Variants in MDGA2 observed in about 807,000 individuals in gnomAD.
MDGA2 encodes MAM domain containing glycosylphosphatidylinositol anchor 2.
Under a neutral mutation model 117.8 loss-of-function variants are expected in MDGA2, and 40 were observed. That is an observed-to-expected ratio of 0.34 (90% CI 0.26 to 0.44). The LOEUF (loss-of-function observed/expected upper bound fraction) is 0.44. Ranked by LOEUF, MDGA2 falls within the 20% of genes least tolerant of loss-of-function variation. The pLI is 1.00. For missense variants in MDGA2, 1,123 were observed against 1,250.6 expected (o/e 0.90, Z 1.54); for synonymous variants, 452 against 439.0 (o/e 1.03, Z -0.37).
At chr14:47,621,145 C>T (rs1897042736) in intron 1 of MDGA2, among the ~76,000 whole-genome samples, 1 of 152,182 alleles carries the variant, frequency 6.6e-6, no homozygotes, top group African/African-American at 2.4e-5. Flanking sequence ...ACTCCCACCA[C>T]TCATATTCTT....
intron 3 of MDGA2, among the ~76,000 whole-genome samples, chr14:47,182,415 TA>T (rs1884745061): frequency 6.6e-6 from 1 of 152,118 alleles, no homozygotes; most frequent in Admixed American, 6.6e-5. Flanking sequence ...GGTGGGGTCT[TA>T]ATCCAATAGG....
chr14:46,986,664 C>G lies in MDGA2; in HGVS notation c.1820-29021G>C, dbSNP rs150645641. Among the ~76,000 whole-genome samples the G allele has an allele frequency of 2.0e-5, 3 of 152,172 alleles. No homozygotes were observed. In the East Asian group the frequency reaches 5.8e-4, roughly 29 times the overall value. Reference sequence around the variant, plus strand: ...TTAGTTTCAACAGAAATCAACTACCCAAAAGACACAACTAGCTGCTTAGCA... The same window carrying G: ...TTAGTTTCAACAGAAATCAACTACCGAAAAGACACAACTAGCTGCTTAGCA... On this transcript the variant is annotated intron_variant, in intron 8 of 16. Transcript: ENST00000399232.
chr14:47,087,584 T>A (rs1383926317), intron 6 of MDGA2, among the ~76,000 whole-genome samples: 1 of 151,398 alleles, frequency 6.6e-6, no homozygotes, highest in African/African-American at 2.4e-5. Flanking sequence ...TATTTACATA[T>A]CTATGATGTC....
intron 1 of MDGA2, among the ~76,000 whole-genome samples, chr14:47,369,100 G>C (rs1199307889): frequency 1.3e-5 from 2 of 152,002 alleles, no homozygotes; most frequent in African/African-American, 4.8e-5. Context: ...TTTATGCCTA[G>C]ATAGATATCT....
chr14:47,639,484 T>C lies in MDGA2; in HGVS notation c.280+35033A>G, dbSNP rs1171004154. Among the ~76,000 whole-genome samples, 3 of 152,154 alleles carry C rather than the reference T, an allele frequency of 2.0e-5. No individual in the cohort carries two copies. In the East Asian group the frequency reaches 5.8e-4, roughly 29 times the overall value. On this transcript the variant is annotated intron_variant, in intron 1 of 16. Coordinates refer to ENST00000399232, the MANE Select transcript of MDGA2 (RefSeq NM_001113498.3). Reference sequence around the variant, plus strand: ...CTAAGAAATGAGCCCTCCTTGCTTTTACAGTTACTCATGGGCTCCAGCATA... The same window carrying C: ...CTAAGAAATGAGCCCTCCTTGCTTTCACAGTTACTCATGGGCTCCAGCATA...
At position 47,155,888 on chromosome 14, in the gene MDGA2, C is replaced by CTTTTTTTTT. The variant is rs55827732; in HGVS notation, c.596-11623_596-11615dup. Reference sequence around the variant, plus strand: ...ATTCTTTTCTTTTCTTCTTCTTCTTCTTTTTTTTTTTTTTTTTTTTTTTTT... The same window carrying CTTTTTTTTT: ...ATTCTTTTCTTTTCTTCTTCTTCTTCTTTTTTTTTTTTTTTTTTTTTTTTTTTTTTTTTT... On this transcript the variant is annotated intron_variant, in intron 3 of 16. Coordinates refer to ENST00000399232, the MANE Select transcript of MDGA2 (RefSeq NM_001113498.3). 3.8e-3 allele frequency among the ~76,000 whole-genome samples: 152 copies of CTTTTTTTTT among 40,052 alleles called. 13 individuals are homozygous for CTTTTTTTTT. The highest frequency in any genetic ancestry group is 5.0e-3 in the Non-Finnish European group (114 of 22,976). 26.3% of individuals were successfully genotyped at this position (40,052 alleles called of 152,430 possible).
chr14:46,940,643 G>GAA (rs1884965337), intron 9 of MDGA2, among the ~76,000 whole-genome samples: 2 of 139,936 alleles, frequency 1.4e-5, no homozygotes, highest in African/African-American at 5.1e-5. Flanking sequence ...AAAAAAAGTT[G>GAA]AACTTAATAG....
chr14:47,561,430 T>C (rs1895814517), intron 1 of MDGA2, among the ~76,000 whole-genome samples: 1 of 152,036 alleles, frequency 6.6e-6, no homozygotes, highest in African/African-American at 2.4e-5. Context: ...ATTGTCATTA[T>C]AGAGATCCCT....
chr14:47,260,127 T>C (rs1262606042), intron 2 of MDGA2, among the ~76,000 whole-genome samples: 2 of 151,974 alleles, frequency 1.3e-5, no homozygotes, highest in Non-Finnish European at 2.9e-5. Flanking sequence ...AGAAAAAGGA[T>C]AGCATGGCCC....
intron 1 of MDGA2, among the ~76,000 whole-genome samples, chr14:47,543,875 T>C (rs1895403722): frequency 6.6e-6 from 1 of 152,218 alleles, no homozygotes; most frequent in South Asian, 2.1e-4. Flanking sequence ...TTTCTTAACC[T>C]TCTCTGCCAG....
rs1595024005 is a variant in MDGA2, at chr14:46,890,021, T to A, written c.2239-7800A>T. The stretch of plus-strand genomic sequence containing the variant: ...TCTCTCACTTATGCTAAAATAATCC[T>A]CTTTACCATGCCTGGAACTCTGTAT... On this transcript the variant is annotated intron_variant, in intron 10 of 16. Coordinates refer to ENST00000399232, the MANE Select transcript of MDGA2 (RefSeq NM_001113498.3). Among the ~76,000 whole-genome samples, 3 of 152,056 alleles carry A rather than the reference T, an allele frequency of 2.0e-5. No homozygotes were observed. The South Asian group carries it at 6.2e-4, about 31-fold the overall frequency.
chr14:47,053,062 T>C (rs1889512426), intron 7 of MDGA2, among the ~76,000 whole-genome samples: 1 of 152,000 alleles, frequency 6.6e-6, no homozygotes, highest in Non-Finnish European at 1.5e-5. Context: ...TTTATTTTCA[T>C]GCCGGTGAAG....
intron 2 of MDGA2, among the ~76,000 whole-genome samples, chr14:47,256,734 C>T (rs1048307390): frequency 5.9e-5 from 9 of 151,522 alleles, no homozygotes; most frequent in African/African-American, 1.9e-4. Flanking sequence ...TCGAATAACA[C>T]TTTTTATTAA....
intron 1 of MDGA2, among the ~76,000 whole-genome samples, chr14:47,632,679 G>T (rs971510024): frequency 6.6e-6 from 1 of 152,044 alleles, no homozygotes; most frequent in Non-Finnish European, 1.5e-5. Flanking sequence ...CATAAATAAT[G>T]ACCTTCTTAA....
intron 5 of MDGA2, among the ~76,000 whole-genome samples, chr14:47,100,545 TA>T (rs1484751183): frequency 2.0e-5 from 3 of 152,112 alleles, no homozygotes. Context: ...TTACAGAATG[TA>T]AATGTCCATT....
intron 1 of MDGA2, among the ~76,000 whole-genome samples, chr14:47,310,000 A>G (rs915328801): frequency 1.3e-5 from 2 of 152,172 alleles, no homozygotes; most frequent in African/African-American, 4.8e-5. Flanking sequence ...TTAACTTTAT[A>G]AAAAATTGAA....
intron 1 of MDGA2, among the ~76,000 whole-genome samples, chr14:47,506,281 C>A (rs1457540292): frequency 4.6e-5 from 7 of 152,028 alleles, no homozygotes; most frequent in Non-Finnish European, 1.0e-4. Context: ...AAAAATGGAA[C>A]TGATTAAAAA....
chr14:47,307,032 T>C (rs1889475103), intron 1 of MDGA2, among the ~76,000 whole-genome samples: 1 of 152,180 alleles, frequency 6.6e-6, no homozygotes, highest in Non-Finnish European at 1.5e-5. Context: ...TTCTATTGAT[T>C]TAAGTGATCA....
chr14:47,550,614 C>T (rs763182599), intron 1 of MDGA2, among the ~76,000 whole-genome samples: 2 of 151,534 alleles, frequency 1.3e-5, no homozygotes, highest in Non-Finnish European at 2.9e-5. Context: ...TAAGTTAATA[C>T]ATGATTCATT....
Sources: allele counts gnomAD v4.1 joint callset (sites outside exome capture counted in the v4.1 genomes callset), GRCh38; gene constraint gnomAD v4.1.1; transcripts MANE v1.5; gene names NCBI Gene and HGNC (gene_info 2026-07-23, HGNC 2026-07-21).